The following CHSY3 variants were observed in gnomAD, a reference collection of about 807,000 sequenced individuals.
The protein encoded by CHSY3 is chondroitin sulfate synthase 3, also known as N-acetylgalactosaminyl-proteoglycan 3-beta-glucuronosyltransferase 3.
A neutral mutation model predicts 67.2 loss-of-function variants in CHSY3; 35 were observed. The ratio of observed to expected loss-of-function variants is 0.52; its 90% CI spans 0.40 to 0.69. The LOEUF is 0.69. CHSY3 is among the 30% of genes least tolerant of loss of function. CHSY3 has a pLI of 0.00. For missense variants in CHSY3, 1,069 were observed against 1,138.5 expected (o/e 0.94, Z 0.88); for synonymous variants, 474 against 434.7 (o/e 1.09, Z -1.12).
intron 2 of CHSY3, among the ~76,000 whole-genome samples, chr5:130,162,352 T>A (rs964592938): frequency 6.6e-6 from 1 of 152,162 alleles, no homozygotes; most frequent in Admixed American, 6.5e-5. Context: ...GAAAAAGCAA[T>A]GATTTTTCTC....
chr5:129,936,537 A>G (rs1761498802), intron 2 of CHSY3, among the ~76,000 whole-genome samples: 1 of 152,080 alleles, frequency 6.6e-6, no homozygotes, highest in East Asian at 1.9e-4. Flanking sequence ...CCACTTTTGC[A>G]GGGAAGGAGC....
chr5:130,153,157 G>A (rs1235194899), intron 2 of CHSY3, among the ~76,000 whole-genome samples: 2 of 152,092 alleles, frequency 1.3e-5, no homozygotes, highest in Non-Finnish European at 2.9e-5. Flanking sequence ...CTTGAGTCTG[G>A]AAGGCGGAGG....
At chr5:130,054,201 C>T (rs377595634) in intron 2 of CHSY3, among the ~76,000 whole-genome samples, 2 of 152,118 alleles carry the variant, frequency 1.3e-5, no homozygotes, top group East Asian at 1.9e-4. Flanking sequence ...TGCCCATTCT[C>T]TTATTCAGCT....
chr5:129,929,821 T>A (rs1761238836), intron 2 of CHSY3, among the ~76,000 whole-genome samples: 1 of 152,164 alleles, frequency 6.6e-6, no homozygotes, highest in South Asian at 2.1e-4. Flanking sequence ...TATTACCACC[T>A]TTATTAAAAT....
chr5:130,041,979 C>G (rs913618973), intron 2 of CHSY3, among the ~76,000 whole-genome samples: 1 of 152,086 alleles, frequency 6.6e-6, no homozygotes. Context: ...TGGCTCACAC[C>G]TGTAATCCCA....
At chr5:130,181,427 A>C (rs1405061354) in intron 2 of CHSY3, among the ~76,000 whole-genome samples, 2 of 152,008 alleles carry the variant, frequency 1.3e-5, no homozygotes, top group Non-Finnish European at 1.5e-5. Flanking sequence ...TGGGTGAATA[A>C]CTCTGGGAAA....
intron 2 of CHSY3, among the ~76,000 whole-genome samples, chr5:129,997,408 A>G (rs1763572911): frequency 6.6e-6 from 1 of 152,226 alleles, no homozygotes; most frequent in Non-Finnish European, 1.5e-5. Context: ...GTGCAATGAC[A>G]TGTAAGTCCC....
chr5:129,915,060 A>C lies in CHSY3; in HGVS notation c.1086+6700A>C, dbSNP rs182878358. ...CTATGTTTTGGGAAACATTTATTTT[A>C]GTCTCTTTTCTATTTAGTGAATTAT... On this transcript the variant is annotated intron_variant, in intron 2 of 2. Transcript: ENST00000305031. 9.7e-3 allele frequency among the ~76,000 whole-genome samples: 1,484 copies of C among 152,258 alleles called. 33 individuals carry two copies. The highest frequency in any genetic ancestry group is 0.034 in the African/African-American group (1,418 of 41,570).
intron 2 of CHSY3, among the ~76,000 whole-genome samples, chr5:129,941,868 G>T (rs1353937339): frequency 6.6e-6 from 1 of 152,140 alleles, no homozygotes; most frequent in African/African-American, 2.4e-5. Flanking sequence ...CTGGCTTCAA[G>T]CTGGGGTCCC....
At chr5:129,924,859 A>G (rs1430347683) in intron 2 of CHSY3, among the ~76,000 whole-genome samples, 2 of 152,102 alleles carry the variant, frequency 1.3e-5, no homozygotes, top group Non-Finnish European at 2.9e-5. Context: ...CAGCCTTTTT[A>G]GACTACTAAA....
intron 2 of CHSY3, among the ~76,000 whole-genome samples, chr5:130,105,224 C>T (rs1184466836): frequency 6.6e-6 from 1 of 151,620 alleles, no homozygotes; most frequent in African/African-American, 2.4e-5. Flanking sequence ...CTCTCTTCCC[C>T]TGAAAATAAT....
chr5:129,997,665 A>AC (rs1193391997), intron 2 of CHSY3, among the ~76,000 whole-genome samples: 4 of 150,324 alleles, frequency 2.7e-5, no homozygotes, highest in East Asian at 2.0e-4. Flanking sequence ...TCAGCCTCCC[A>AC]CCCCCCAACA....
intron 2 of CHSY3, chr5:130,141,578 A>G: frequency 2.1e-6 from 1 of 476,570 alleles, no homozygotes; most frequent in Non-Finnish European, 4.1e-6. Flanking sequence ...TGTATGGTCC[A>G]GGAAGCTGAG....
chr5:130,004,663 G>A (rs1763822901), intron 2 of CHSY3, among the ~76,000 whole-genome samples: 2 of 152,054 alleles, frequency 1.3e-5, no homozygotes, highest in African/African-American at 2.4e-5. Flanking sequence ...GGTTGAGTTG[G>A]CTCTGAATTA....
chr5:130,157,929 CGGCATCTATAAATTGCCAT>C (rs1051024981), intron 2 of CHSY3, among the ~76,000 whole-genome samples: 37 of 152,262 alleles, frequency 2.4e-4, no homozygotes, highest in African/African-American at 8.4e-4. Flanking sequence ...GATGTTGCCA[CGGCATCTATAAATTGCCAT>C]GGCATCTATA....
chr5:130,143,809 T>TAC lies in CHSY3; in HGVS notation c.1087-40420_1087-40419insAC, dbSNP rs1466481490. ...GTATATATATATATATATATATGTG[T>TAC]GTATATATATATATATATATATATA... On this transcript the variant is annotated intron_variant, in intron 2 of 2. Coordinates refer to ENST00000305031, the MANE Select transcript of CHSY3 (RefSeq NM_175856.5). Among the ~76,000 whole-genome samples, 17 of 63,060 alleles carry TAC rather than the reference T, an allele frequency of 2.7e-4. No individual in the cohort carries two copies. The East Asian group carries it at 3.7e-3, about 14-fold the overall frequency. The allele number at this position is 63,060 out of a possible 152,430, so 41.4% of individuals were successfully genotyped here.
intron 2 of CHSY3, among the ~76,000 whole-genome samples, chr5:130,061,650 A>G (rs1449844303): frequency 6.6e-6 from 1 of 152,178 alleles, no homozygotes; most frequent in Non-Finnish European, 1.5e-5. Flanking sequence ...TTTGCAAGTT[A>G]TACCTGTGAC....
At chr5:129,987,079 A>G (rs1296338773) in intron 2 of CHSY3, among the ~76,000 whole-genome samples, 3 of 152,200 alleles carry the variant, frequency 2.0e-5, no homozygotes, top group Non-Finnish European at 4.4e-5. Flanking sequence ...TGTTTCATTA[A>G]AGTTCCTTTT....
chr5:129,974,225 C>T (rs1762727938), intron 2 of CHSY3, among the ~76,000 whole-genome samples: 1 of 152,030 alleles, frequency 6.6e-6, no homozygotes, highest in African/African-American at 2.4e-5. Context: ...GGTTACATTC[C>T]TGCTTGGTCC....
Sources: gnomAD v4.1 joint callset for allele counts (sites outside exome capture counted in the v4.1 genomes callset) on GRCh38, gnomAD v4.1.1 for gene constraint, MANE v1.5 for transcripts, NCBI Gene and HGNC (gene_info 2026-07-23, HGNC 2026-07-21) for gene names.